The following ELMO1 variants were observed in gnomAD, a reference collection of about 807,000 sequenced individuals.
The protein encoded by ELMO1 is engulfment and cell motility 1, also known as engulfment and cell motility protein 1.
In ELMO1, 26 loss-of-function variants were observed where a neutral mutation model predicts 98.9. That is an observed-to-expected ratio of 0.26 (90% CI 0.19 to 0.36). ELMO1 has a LOEUF of 0.36. ELMO1 is among the 10% of genes least tolerant of loss of function. The probability of loss-of-function intolerance (pLI) is 1.00; values close to 1 mark genes in which losing one functional copy is unlikely to be tolerated. For missense variants in ELMO1, 627 were observed against 935.2 expected, an observed-to-expected ratio of 0.67 and a Z score of 4.30; for synonymous variants, 346 against 346.0, an observed-to-expected ratio of 1.00 and a Z score of 0.00.
At chr7:37,287,903 C>G (rs2130934603) in intron 4 of ELMO1, among the ~76,000 whole-genome samples, 1 of 152,296 alleles carries the variant, frequency 6.6e-6, no homozygotes, top group Middle Eastern at 3.4e-3. Context: ...TCCTACAATG[C>G]TAGGGTCTGG....
intron 1 of ELMO1, among the ~76,000 whole-genome samples, chr7:37,390,862 G>A (rs939396245): frequency 3.3e-5 from 5 of 152,200 alleles, no homozygotes; most frequent in African/African-American, 1.2e-4. Flanking sequence ...CAACTGCCAG[G>A]GCACACAGGT....
chr7:37,104,228 G>A (rs1784819369), intron 14 of ELMO1, among the ~76,000 whole-genome samples: 1 of 151,546 alleles, frequency 6.6e-6, no homozygotes, highest in Admixed American at 6.6e-5. Context: ...TTATGCCTGA[G>A]TGAAGAATAT....
At chr7:37,292,630 C>T (rs141513841) in intron 4 of ELMO1, among the ~76,000 whole-genome samples, 5,306 of 106,840 alleles carry the variant, frequency 0.05, 424 homozygotes, top group Non-Finnish European at 0.079. Flanking sequence ...AGCGTCTCTG[C>T]CTGGACGCCC....
chr7:36,860,572 A>G (rs1175748740), intron 21 of ELMO1, among the ~76,000 whole-genome samples: 1 of 152,262 alleles, frequency 6.6e-6, no homozygotes, highest in Non-Finnish European at 1.5e-5. Context: ...TGGGGAAAAC[A>G]GCCTTGCAGA....
At chr7:37,358,609 C>T (rs1801583509) in intron 1 of ELMO1, among the ~76,000 whole-genome samples, 1 of 152,146 alleles carries the variant, frequency 6.6e-6, no homozygotes, top group Non-Finnish European at 1.5e-5. Context: ...CAAAGAAAAC[C>T]AGATTCCACT....
chr7:37,336,229 G>GAA (rs1411203105), intron 2 of ELMO1, among the ~76,000 whole-genome samples: 1 of 142,650 alleles, frequency 7.0e-6, no homozygotes, highest in South Asian at 2.2e-4. Context: ...CTGCGTCAAG[G>GAA]AAAAAAAAAA....
chr7:37,027,274 G>C (rs1025051274), intron 15 of ELMO1, among the ~76,000 whole-genome samples: 1 of 152,122 alleles, frequency 6.6e-6, no homozygotes, highest in African/African-American at 2.4e-5. Context: ...ATCTGATTAC[G>C]TTTTTAAAAT....
chr7:37,116,119 A>G (rs1430662778), intron 14 of ELMO1, among the ~76,000 whole-genome samples: 1 of 152,238 alleles, frequency 6.6e-6, no homozygotes, highest in Non-Finnish European at 1.5e-5. Context: ...AACAGAAGAG[A>G]GAGGAGTCCC....
intron 19 of ELMO1, among the ~76,000 whole-genome samples, chr7:36,872,981 G>A (rs753070878): frequency 7.2e-5 from 11 of 152,114 alleles, no homozygotes; most frequent in Non-Finnish European, 1.3e-4. Flanking sequence ...ACCATAGTCT[G>A]TCCTGGGGGG....
At chr7:36,901,958 T>C (rs971542089) in intron 16 of ELMO1, among the ~76,000 whole-genome samples, 3 of 152,152 alleles carry the variant, frequency 2.0e-5, no homozygotes, top group Non-Finnish European at 4.4e-5. Context: ...TTTCATCAAA[T>C]GGTATTCTCG....
At chr7:37,225,523 C>T (rs1055244502) in intron 8 of ELMO1, among the ~76,000 whole-genome samples, 1 of 152,220 alleles carries the variant, frequency 6.6e-6, no homozygotes, top group Non-Finnish European at 1.5e-5. Flanking sequence ...CACTTGTCAA[C>T]ACAATTCAAC....
intron 1 of ELMO1, among the ~76,000 whole-genome samples, chr7:37,442,921 A>C (rs555495282): frequency 6.6e-6 from 1 of 152,246 alleles, no homozygotes; most frequent in Non-Finnish European, 1.5e-5. Context: ...GAAACAACGC[A>C]GTAAAACGAG....
At chr7:37,179,218 G>A (rs1242636210) in intron 13 of ELMO1, among the ~76,000 whole-genome samples, 2 of 151,780 alleles carry the variant, frequency 1.3e-5, no homozygotes, top group African/African-American at 4.8e-5. Context: ...ACTGGCGAGG[G>A]GAATTTTGTT....
At chr7:36,952,774 T>A (rs1358978591) in intron 16 of ELMO1, among the ~76,000 whole-genome samples, 1 of 151,788 alleles carries the variant, frequency 6.6e-6, no homozygotes, top group Non-Finnish European at 1.5e-5. Flanking sequence ...TCTACTGGTG[T>A]GTGAATAGCT....
intron 2 of ELMO1, among the ~76,000 whole-genome samples, chr7:37,321,758 A>G (rs1799520438): frequency 1.3e-5 from 2 of 150,804 alleles, no homozygotes; most frequent in Admixed American, 6.6e-5. Context: ...GAAAAAAGAA[A>G]AGCCCCAGGA....
intron 16 of ELMO1, among the ~76,000 whole-genome samples, chr7:36,974,585 G>A (rs1016827585): frequency 2.0e-5 from 3 of 152,142 alleles, no homozygotes; most frequent in East Asian, 1.9e-4. Flanking sequence ...GATTGTAAAC[G>A]CACCAATCAG....
chr7:37,151,781 CT>C (rs1788376853), intron 13 of ELMO1, among the ~76,000 whole-genome samples: 1 of 152,116 alleles, frequency 6.6e-6, no homozygotes, highest in Admixed American at 6.5e-5. Flanking sequence ...TTCAAATTAA[CT>C]TTTTTCAAAT....
chr7:37,244,126 G>C (rs1391711946), intron 7 of ELMO1, among the ~76,000 whole-genome samples: 2 of 151,960 alleles, frequency 1.3e-5, no homozygotes, highest in African/African-American at 4.8e-5. Context: ...ATCACTTAGT[G>C]GTTACATACA....
chr7:36,855,019 T>G lies in ELMO1; in HGVS notation c.*532A>C. On this transcript the variant is annotated 3_prime_UTR_variant, in exon 22 of 22. Transcript: ENST00000310758. This position sits in a 1 kb window ranked among gnomAD's most constrained non-coding sequence, Gnocchi z 4.2. ...AGCAAGGCAAAAGCAGGGAGAGAGGTGGGAGGAGATTTGAGCGCAGATCTT... is the reference window on the plus strand; with the variant it reads ...AGCAAGGCAAAAGCAGGGAGAGAGGGGGGAGGAGATTTGAGCGCAGATCTT... The G allele has an allele frequency of 1.2e-5, 2 of 163,616 alleles. No individual in the cohort carries two copies. The highest frequency in any genetic ancestry group is 2.7e-5 in the Non-Finnish European group (2 of 74,394). The allele number at this position is 163,616 out of a possible 1,614,324, so 10.1% of individuals were successfully genotyped here. A position where few individuals can be genotyped will look rare whatever the true frequency, so the allele number is the denominator to read the frequency against.
Sources: gnomAD v4.1 joint callset for allele counts (sites outside exome capture counted in the v4.1 genomes callset) on GRCh38, gnomAD v4.1.1 for gene constraint, Gnocchi (gnomAD v3.1) non-coding constraint, MANE v1.5 for transcripts, NCBI Gene and HGNC (gene_info 2026-07-23, HGNC 2026-07-21) for gene names.